ADGRL3: variants seen among roughly 807,000 people sequenced by gnomAD.
The protein encoded by ADGRL3 is calcium-independent alpha-latrotoxin receptor 3.
In ADGRL3, 62 loss-of-function variants were observed where a neutral mutation model predicts 153.5. The ratio of observed to expected loss-of-function variants is 0.40; its 90% CI spans 0.33 to 0.50. The LOEUF is 0.50. Ranked by LOEUF, ADGRL3 falls within the 20% of genes least tolerant of loss-of-function variation. The pLI is 0.47. For missense variants in ADGRL3, 1,641 were observed against 1,859.4 expected (o/e 0.88, Z 2.16); for synonymous variants, 710 against 672.5 (o/e 1.06, Z -0.86).
intron 9 of ADGRL3, among the ~76,000 whole-genome samples, chr4:61,849,480 T>A (rs113234851): frequency 4.6e-4 from 66 of 144,798 alleles, no homozygotes; most frequent in African/African-American, 1.8e-3. Context: ...AGGAATATTT[T>A]TATATTTTTT....
At chr4:61,905,604 C>G (rs1355861447) in intron 11 of ADGRL3, among the ~76,000 whole-genome samples, 5 of 151,944 alleles carry the variant, frequency 3.3e-5, no homozygotes, top group South Asian at 2.1e-4. Context: ...AAGAATTTCT[C>G]GAAAGTTGGG....
At chr4:62,068,061 C>T (rs1577756755) in intron 25 of ADGRL3, 105 bp from the exon 26 acceptor site, 1 of 666,952 alleles carries the variant, frequency 1.5e-6, no homozygotes, top group East Asian at 2.8e-5. Flanking sequence ...TCCTTTGACT[C>T]TTTTTTCTGC....
In ADGRL3 at chr4:61,655,860, T is replaced by C. The variant is rs533978856; in HGVS notation, c.474-20966T>C. On this transcript the variant is annotated intron_variant, in intron 5 of 26. Transcript: ENST00000683033. Reference sequence around the variant, plus strand: ...ATTCAAACGAAACAAATAGAATGTTTGTATCTTTAAATTTTGAGTAGAGAC... The same window carrying C: ...ATTCAAACGAAACAAATAGAATGTTCGTATCTTTAAATTTTGAGTAGAGAC... 2.5e-4 allele frequency among the ~76,000 whole-genome samples: 38 copies of C among 152,322 alleles called. No individual in the cohort carries two copies. The South Asian group carries it at 6.2e-3, about 25-fold the overall frequency.
chr4:61,646,536 C>T (rs915763247), intron 5 of ADGRL3, among the ~76,000 whole-genome samples: 1 of 148,116 alleles, frequency 6.8e-6, no homozygotes, highest in Non-Finnish European at 1.5e-5. Context: ...GTACTGGGCC[C>T]TGTGAGGTGT....
intron 25 of ADGRL3, among the ~76,000 whole-genome samples, chr4:62,059,182 C>CT (rs1738712607): frequency 6.6e-6 from 1 of 152,050 alleles, no homozygotes; most frequent in Non-Finnish European, 1.5e-5. Flanking sequence ...ACTCCAAGTC[C>CT]TGAATAGTCA....
chr4:61,515,215 C>G (rs960649507), intron 3 of ADGRL3, among the ~76,000 whole-genome samples: 1 of 152,082 alleles, frequency 6.6e-6, no homozygotes, highest in African/African-American at 2.4e-5. Context: ...CTCAAACACA[C>G]CAAGGGATTT....
At chr4:61,993,157 G>C (rs2099109145) in intron 19 of ADGRL3, among the ~76,000 whole-genome samples, 1 of 113,836 alleles carries the variant, frequency 8.8e-6, no homozygotes, top group African/African-American at 3.3e-5. Context: ...GCATTCATGG[G>C]CTGCAGTTGT....
chr4:61,353,367 T>G (rs758335678), intron 1 of ADGRL3, among the ~76,000 whole-genome samples: 6 of 152,156 alleles, frequency 3.9e-5, no homozygotes, highest in Non-Finnish European at 8.8e-5. Context: ...CTCTTTCCAT[T>G]TTTAAGACAT....
At chr4:61,322,693 G>A (rs1388324097) in intron 1 of ADGRL3, among the ~76,000 whole-genome samples, 2 of 152,208 alleles carry the variant, frequency 1.3e-5, no homozygotes, top group Non-Finnish European at 2.9e-5. Flanking sequence ...CACGCTGATG[G>A]AAGAGATGTG....
chr4:61,602,613 C>G (rs2099016630), intron 5 of ADGRL3, among the ~76,000 whole-genome samples: 1 of 152,104 alleles, frequency 6.6e-6, no homozygotes, highest in African/African-American at 2.4e-5. Context: ...AGATTAGTTT[C>G]AATCCCATGT....
intron 9 of ADGRL3, among the ~76,000 whole-genome samples, chr4:61,873,383 G>A (rs947597764): frequency 2.6e-5 from 4 of 152,188 alleles, no homozygotes; most frequent in Admixed American, 1.3e-4. Flanking sequence ...GTGCAATTGA[G>A]ATGCTTTGTA....
chr4:61,623,870 A>C (rs182353058), intron 5 of ADGRL3, among the ~76,000 whole-genome samples: 320 of 152,204 alleles, frequency 2.1e-3, no homozygotes, highest in Non-Finnish European at 3.5e-3. Context: ...GTAACCCCTA[A>C]AAGGAACATG....
chr4:61,566,479 T>G (rs938309139), intron 4 of ADGRL3, among the ~76,000 whole-genome samples: 12 of 151,458 alleles, frequency 7.9e-5, no homozygotes, highest in African/African-American at 2.7e-4. Flanking sequence ...GAGGGAAAGG[T>G]TGAATTTAAA....
chr4:61,929,261 A>T (rs1425399785), intron 13 of ADGRL3, among the ~76,000 whole-genome samples: 1 of 152,152 alleles, frequency 6.6e-6, no homozygotes, highest in Non-Finnish European at 1.5e-5. Flanking sequence ...GAGGATGCAG[A>T]GTGAAACCTC....
intron 1 of ADGRL3, among the ~76,000 whole-genome samples, chr4:61,338,293 CT>C (rs1176044107): frequency 5.3e-5 from 8 of 151,064 alleles, no homozygotes; most frequent in African/African-American, 1.7e-4. Flanking sequence ...AAAAAAAAGA[CT>C]TCCATGACAA....
chr4:61,228,435 A>C (rs1261064094), intron 1 of ADGRL3, among the ~76,000 whole-genome samples: 1 of 152,156 alleles, frequency 6.6e-6, no homozygotes, highest in East Asian at 1.9e-4. Flanking sequence ...CCATATTCTA[A>C]TTTGATGTTT....
intron 6 of ADGRL3, among the ~76,000 whole-genome samples, chr4:61,700,569 A>G (rs56802772): frequency 0.025 from 3,820 of 152,256 alleles, 98 homozygotes; most frequent in East Asian, 0.071. Flanking sequence ...TAAGGTGCCA[A>G]TGATGGTAAT....
intron 1 of ADGRL3, among the ~76,000 whole-genome samples, chr4:61,303,701 C>T (rs902821876): frequency 2.0e-5 from 3 of 152,128 alleles, no homozygotes; most frequent in Admixed American, 6.5e-5. Flanking sequence ...AAAGTTAGTA[C>T]AGCTTTCCCT....
chr4:61,240,243 A>G (rs952259235), intron 1 of ADGRL3, among the ~76,000 whole-genome samples: 2 of 152,090 alleles, frequency 1.3e-5, no homozygotes, highest in African/African-American at 4.8e-5. Flanking sequence ...CTATTTCCCT[A>G]GAGATCATTT....
Sources: allele counts gnomAD v4.1 joint callset (sites outside exome capture counted in the v4.1 genomes callset), GRCh38; gene constraint gnomAD v4.1.1; transcripts MANE v1.5; gene names NCBI Gene and HGNC (gene_info 2026-07-23, HGNC 2026-07-21).